Variants in RAPGEF5 observed in about 807,000 individuals in gnomAD.
RAPGEF5 encodes M-Ras-regulated GEF.
In RAPGEF5, 65 loss-of-function variants were observed where a neutral mutation model predicts 125.2. That is an observed-to-expected ratio of 0.52 (90% confidence interval 0.43 to 0.64). The LOEUF is 0.64. Ranked by LOEUF, RAPGEF5 falls within the 30% of genes least tolerant of loss-of-function variation. The probability of loss-of-function intolerance (pLI) is 0.00; values close to 1 mark genes in which losing one functional copy is unlikely to be tolerated. For missense variants in RAPGEF5, 958 were observed against 1,048.1 expected (o/e 0.91, Z 1.19); for synonymous variants, 391 against 385.9 (o/e 1.01, Z -0.16).
intron 19 of RAPGEF5, among the ~76,000 whole-genome samples, chr7:22,146,626 T>C (rs2128105789): frequency 6.6e-6 from 1 of 152,252 alleles, no homozygotes; most frequent in Non-Finnish European, 1.5e-5. Context: ...TAGAGCCTCA[T>C]CTCCAAATAC....
At chr7:22,140,985 C>T (rs567824468) in intron 20 of RAPGEF5, among the ~76,000 whole-genome samples, 20 of 152,248 alleles carry the variant, frequency 1.3e-4, no homozygotes, top group African/African-American at 3.6e-4. Context: ...GTAAGCAGAG[C>T]GTGTATCAGG....
At chr7:22,204,757 C>T (rs1583480115) in intron 9 of RAPGEF5, among the ~76,000 whole-genome samples, 1 of 152,140 alleles carries the variant, frequency 6.6e-6, no homozygotes, top group East Asian at 1.9e-4. Flanking sequence ...GACAAAGTGG[C>T]ACTCTTGGTG....
chr7:22,295,242 A>C (rs1364370564), intron 5 of RAPGEF5, among the ~76,000 whole-genome samples: 3 of 152,188 alleles, frequency 2.0e-5, no homozygotes, highest in African/African-American at 7.2e-5. Context: ...TTCTCAAGAG[A>C]AGATAATTTT....
At chr7:22,130,954 A>T (rs1280201353) in intron 24 of RAPGEF5, 83 bp downstream of exon 24, 4 of 1,502,652 alleles carry the variant, frequency 2.7e-6, no homozygotes, top group Non-Finnish European at 3.6e-6. Flanking sequence ...AAAAGTACTA[A>T]AACTATTTAT....
intron 7 of RAPGEF5, among the ~76,000 whole-genome samples, chr7:22,231,958 G>C (rs1562773747): frequency 6.6e-6 from 1 of 152,168 alleles, no homozygotes; most frequent in Non-Finnish European, 1.5e-5. Context: ...GAACAGACTT[G>C]AGAGAAACAA....
intron 1 of RAPGEF5, among the ~76,000 whole-genome samples, chr7:22,348,075 G>T (rs900406526): frequency 6.6e-6 from 1 of 152,166 alleles, no homozygotes; most frequent in East Asian, 1.9e-4. Context: ...CTTTCTGGAA[G>T]GCAAGTTAGA....
intron 1 of RAPGEF5, among the ~76,000 whole-genome samples, chr7:22,353,784 A>G (rs750919419): frequency 3.9e-5 from 6 of 152,214 alleles, no homozygotes; most frequent in Non-Finnish European, 7.3e-5. Flanking sequence ...GCTGAATTCA[A>G]CACAACTAGA....
intron 9 of RAPGEF5, among the ~76,000 whole-genome samples, chr7:22,197,988 C>T (rs1375648039): frequency 1.3e-5 from 2 of 150,746 alleles, no homozygotes; most frequent in Admixed American, 6.6e-5. Flanking sequence ...ATCTTGGGCT[C>T]AAGTGATCCT....
chr7:22,262,733 G>T (rs552771239), intron 7 of RAPGEF5, among the ~76,000 whole-genome samples: 1 of 62,028 alleles, frequency 1.6e-5, no homozygotes, highest in East Asian at 2.1e-3. Context: ...TTCATGCCAC[G>T]GAACACTATT....
chr7:22,249,471 T>C (rs1786563981), intron 7 of RAPGEF5, among the ~76,000 whole-genome samples: 1 of 152,158 alleles, frequency 6.6e-6, no homozygotes, highest in Non-Finnish European at 1.5e-5. Context: ...ATTATAGGCA[T>C]GAGCCACTGC....
At chr7:22,224,500 C>T (rs750067319) in intron 8 of RAPGEF5, among the ~76,000 whole-genome samples, 3 of 152,094 alleles carry the variant, frequency 2.0e-5, no homozygotes, top group African/African-American at 4.8e-5. Context: ...ACTGTCCTGG[C>T]GGTGGAGGGA....
chr7:22,329,993 C>T (rs1562531731), intron 1 of RAPGEF5, among the ~76,000 whole-genome samples: 1 of 152,162 alleles, frequency 6.6e-6, no homozygotes, highest in East Asian at 1.9e-4. Context: ...GTCCTGGCTC[C>T]CCACAGTCTG....
At chr7:22,296,714 A>G (rs1281974273) in intron 5 of RAPGEF5, among the ~76,000 whole-genome samples, 1 of 152,206 alleles carries the variant, frequency 6.6e-6, no homozygotes, top group Non-Finnish European at 1.5e-5. Flanking sequence ...TGGGTTGGGC[A>G]GTCTTTCCAG....
At chr7:22,176,943 A>G (rs1562741403) in intron 11 of RAPGEF5, among the ~76,000 whole-genome samples, 1 of 152,228 alleles carries the variant, frequency 6.6e-6, no homozygotes, top group African/African-American at 2.4e-5. Flanking sequence ...CTGCTAGGAC[A>G]AATATATCAA....
chr7:22,170,777 A>T (rs1381555340), intron 11 of RAPGEF5, among the ~76,000 whole-genome samples: 1 of 152,234 alleles, frequency 6.6e-6, no homozygotes, highest in African/African-American at 2.4e-5. Context: ...CTCCTAAGCC[A>T]ATATCATATT....
chr7:22,231,127 G>A (rs1333384033), intron 7 of RAPGEF5, among the ~76,000 whole-genome samples: 2 of 152,112 alleles, frequency 1.3e-5, no homozygotes, highest in Non-Finnish European at 2.9e-5. Context: ...TTAAATCAAT[G>A]GCAGTGAGAA....
intron 3 of RAPGEF5, among the ~76,000 whole-genome samples, chr7:22,312,817 T>C (rs1783504419): frequency 6.6e-6 from 1 of 152,212 alleles, no homozygotes; most frequent in African/African-American, 2.4e-5. Flanking sequence ...AAGTAAACAC[T>C]ATCATTAATA....
At chr7:22,181,533 GCCAAGT>G (rs146527062) in intron 11 of RAPGEF5, among the ~76,000 whole-genome samples, 17,310 of 152,072 alleles carry the variant, frequency 0.11, 1,009 homozygotes, top group South Asian at 0.14. Flanking sequence ...AGACAAGAAC[GCCAAGT>G]CCAAGTCTGA....
In RAPGEF5 at chr7:22,310,045, G is replaced by A; in HGVS notation, c.435C>T (p.His145=). 1 of 1,599,604 alleles carries A rather than the reference G, an allele frequency of 6.3e-7. No homozygotes were observed. The highest frequency in any genetic ancestry group is 8.5e-7 in the Non-Finnish European group (1 of 1,175,054). ...GSELVDWLLE[H]CPFVQCRSMA... ...TAGATCTGCACTGGACGAAAGGACA[G>A]TGTTCTAGAAGCCAGTCTACCAGCT... is the stretch of plus-strand genomic sequence containing the variant. The change falls in exon 4 of 26, where the codon CAC becomes CAT. Residue 145 remains histidine, a synonymous_variant. Transcript: ENST00000665637.
Sources: allele counts gnomAD v4.1 joint callset (sites outside exome capture counted in the v4.1 genomes callset), GRCh38; gene constraint gnomAD v4.1.1; transcripts MANE v1.5; gene names NCBI Gene and HGNC (gene_info 2026-07-23, HGNC 2026-07-21).